Variants in DSG3 observed in about 807,000 individuals in gnomAD.
The protein encoded by DSG3 is desmoglein 3.
Under a neutral mutation model 85.9 loss-of-function variants are expected in DSG3, and 63 were observed. That is an observed-to-expected ratio of 0.73 (90% CI 0.60 to 0.90). DSG3 has a LOEUF of 0.90. Ranked by LOEUF, DSG3 falls within the 40% of genes least tolerant of loss-of-function variation. DSG3 has a pLI of 0.00. For synonymous variants in DSG3, 447 were observed against 441.9 expected, an observed-to-expected ratio of 1.01 and a Z score of -0.14; for missense variants, 1,220 against 1,219.9, an observed-to-expected ratio of 1.00 and a Z score of 0.00.
intron 1 of DSG3, among the ~76,000 whole-genome samples, chr18:31,448,942 T>C (rs1421606430): frequency 6.6e-6 from 1 of 152,164 alleles, no homozygotes; most frequent in Non-Finnish European, 1.5e-5. Context: ...TCTGGCTCTG[T>C]TGCCCAGGCT....
chr18:31,474,581 C>CG, intron 15 of DSG3, among the ~76,000 whole-genome samples, 177 bp downstream of exon 15: 1 of 152,086 alleles, frequency 6.6e-6, no homozygotes, highest in South Asian at 2.1e-4. Flanking sequence ...CTGTCAAAAT[C>CG]GGGTCACTGA....
At chr18:31,458,743 C>T in intron 4 of DSG3, 143 bp downstream of exon 4, 1 of 1,007,880 alleles carries the variant, frequency 9.9e-7, no homozygotes, top group Non-Finnish European at 1.4e-6. Context: ...AGTCCCTCCA[C>T]AGAGCCTCGC....
chr18:31,466,493 T>C, intron 10 of DSG3, 37 bp from the exon 11 acceptor site: 1 of 1,579,486 alleles, frequency 6.3e-7, no homozygotes, highest in Non-Finnish European at 8.7e-7. Flanking sequence ...AACTTTGTTC[T>C]ATACATTTCT....
At chr18:31,462,974 G>A (rs1375953424) in intron 8 of DSG3, among the ~76,000 whole-genome samples, 2 of 152,180 alleles carry the variant, frequency 1.3e-5, no homozygotes, top group African/African-American at 2.4e-5. Flanking sequence ...CAGTAAGGGT[G>A]TAGGAACTAT....
At chr18:31,455,050 T>C (rs1299327940) in intron 1 of DSG3, among the ~76,000 whole-genome samples, 1 of 151,058 alleles carries the variant, frequency 6.6e-6, no homozygotes, top group East Asian at 1.9e-4. Context: ...AATTTAGTAG[T>C]AGTGAGGTAC....
In DSG3 at chr18:31,476,033, C is replaced by A. The variant is rs756288428; in HGVS notation, c.2773C>A (p.Pro925Thr). 1.9e-6 allele frequency: 3 copies of A among 1,614,206 alleles called. No homozygotes were observed. In the South Asian group the frequency reaches 3.3e-5, roughly 18 times the overall value. ...SVQPAVSIPD[P>T]LQHGNYLVTE... The stretch of plus-strand genomic sequence containing the variant: ...CCAGCCAGCTGTTTCCATCCCTGAC[C>A]CTCTGCAGCATGGTAACTATTTAGT... Residue 925 changes from proline to threonine, a missense_variant, in exon 16 of 16, where the codon CCT (proline) becomes ACT (threonine). Pro to Thr is a conservative substitution (Grantham distance 38, BLOSUM62 -1). Transcript: ENST00000257189.
At position 31,476,339 on chromosome 18, in the gene DSG3, C is replaced by T; in HGVS notation, c.*79C>T. Reference sequence around the variant, plus strand: ...ATTCAAAATAGCATAGCAAAGCTCACTGTATTGGGCTAATAATTTGGCACT... The same window carrying T: ...ATTCAAAATAGCATAGCAAAGCTCATTGTATTGGGCTAATAATTTGGCACT... On this transcript the variant is annotated 3_prime_UTR_variant, in exon 16 of 16. Transcript: ENST00000257189. 2.0e-6 allele frequency: 3 copies of T among 1,484,860 alleles called. No individual in the cohort carries two copies. Among genetic ancestry groups the T allele is most frequent in the Non-Finnish European group, 2.7e-6 (3 of 1,108,122 alleles). The allele number at this position is 1,484,860 out of a possible 1,614,324, so 92.0% of individuals were successfully genotyped here. A position where few individuals can be genotyped will look rare whatever the true frequency, so the allele number is the denominator to read the frequency against.
At position 31,457,228 on chromosome 18, in the gene DSG3, C is replaced by A. The variant is rs772682285; in HGVS notation, c.216+104C>A. On this transcript the variant is annotated intron_variant, in intron 3 of 15. Coordinates refer to ENST00000257189, the MANE Select transcript of DSG3 (RefSeq NM_001944.3). Reference sequence around the variant, plus strand: ...AATAACAAAATGAAGACTGGGGAGTCCACAGAACAAGTGAACTGGTATCCT... The same window carrying A: ...AATAACAAAATGAAGACTGGGGAGTACACAGAACAAGTGAACTGGTATCCT... 1.8e-5 allele frequency: 21 copies of A among 1,156,192 alleles called. No homozygotes were observed. The Middle Eastern group carries it at 9.0e-4, about 50-fold the overall frequency. 71.6% of individuals were successfully genotyped at this position (1,156,192 alleles called of 1,614,324 possible). A position where few individuals can be genotyped will look rare whatever the true frequency, so the allele number is the denominator to read the frequency against.
intron 3 of DSG3, among the ~76,000 whole-genome samples, chr18:31,458,129 C>G (rs1008131462): frequency 2.8e-4 from 43 of 151,994 alleles, no homozygotes; most frequent in African/African-American, 9.9e-4. Context: ...AAAGAGGGAG[C>G]CTTCAGGAGT....
rs2072821194 is a variant in DSG3, at chr18:31,466,657, T to G, written c.1539T>G (p.Ala513=). ...CSSSPSVVVS[A]RTLNNRYTGP... ...CTTCACCTTCCGTGGTTGTCTCCGC[T>G]AGAACACTGAATAATAGATACACTG... The change falls in exon 11 of 16, where the codon GCT becomes GCG. Residue 513 remains alanine, a synonymous_variant. Transcript: ENST00000257189. 1.2e-6 allele frequency: 2 copies of G among 1,614,204 alleles called. No homozygotes were observed. Among genetic ancestry groups the G allele is most frequent in the Non-Finnish European group, 1.7e-6 (2 of 1,180,042 alleles).
At chr18:31,456,935 A>T (rs558568485) in intron 2 of DSG3, 58 bp from the exon 3 acceptor site, 4 of 1,568,166 alleles carry the variant, frequency 2.6e-6, no homozygotes, top group Non-Finnish European at 3.5e-6. Context: ...TGTAATCAAT[A>T]TTCTAAGCAA....
At chr18:31,469,629 C>T (rs748239374) in intron 12 of DSG3, among the ~76,000 whole-genome samples, 33 of 152,116 alleles carry the variant, frequency 2.2e-4, no homozygotes, top group Non-Finnish European at 3.8e-4. Context: ...TTTCTACACA[C>T]TGTTAGTAAT....
intron 5 of DSG3, among the ~76,000 whole-genome samples, 144 bp from the exon 6 acceptor site, chr18:31,459,690 AAGAGGTATCAC>A (rs2072771444): frequency 6.6e-6 from 1 of 152,228 alleles, no homozygotes; most frequent in Non-Finnish European, 1.5e-5. Context: ...GAGAGACAGA[AAGAGGTATCAC>A]AAGTGATATA....
At chr18:31,459,721 G>T (rs1362818535) in intron 5 of DSG3, 124 bp from the exon 6 acceptor site, 6 of 953,276 alleles carry the variant, frequency 6.3e-6, no homozygotes, top group Non-Finnish European at 9.1e-6. Context: ...ACAATTTTTT[G>T]AACATACAGA....
At chr18:31,448,564 A>G (rs1166732341) in intron 1 of DSG3, among the ~76,000 whole-genome samples, 1 of 152,070 alleles carries the variant, frequency 6.6e-6, no homozygotes, top group African/African-American at 2.4e-5. Context: ...AAAGTCGTAC[A>G]TAGTATTATC....
intron 3 of DSG3, 39 bp from the exon 4 acceptor site, chr18:31,458,406 T>C (rs762171052): frequency 6.3e-7 from 1 of 1,599,442 alleles, no homozygotes. Context: ...AAGGCTTGAG[T>C]GATGGTCACC....
intron 3 of DSG3, among the ~76,000 whole-genome samples, chr18:31,457,788 C>T (rs1320113213): frequency 3.3e-5 from 5 of 151,730 alleles, no homozygotes; most frequent in South Asian, 2.1e-4. Context: ...CCACCATGCC[C>T]GGCTAATTGT....
chr18:31,458,161 C>T (rs2072760949), intron 3 of DSG3, among the ~76,000 whole-genome samples: 1 of 151,978 alleles, frequency 6.6e-6, no homozygotes, highest in Non-Finnish European at 1.5e-5. Flanking sequence ...TATTAAATGA[C>T]TTTGACTTTC....
At chr18:31,448,921 T>C (rs912013135) in intron 1 of DSG3, among the ~76,000 whole-genome samples, 2 of 152,146 alleles carry the variant, frequency 1.3e-5, no homozygotes, top group East Asian at 1.9e-4. Context: ...GTTTTTGTTT[T>C]TGAGACAAGG....
Sources: allele counts gnomAD v4.1 joint callset (sites outside exome capture counted in the v4.1 genomes callset), GRCh38; gene constraint gnomAD v4.1.1; transcripts MANE v1.5; gene names NCBI Gene and HGNC (gene_info 2026-07-23, HGNC 2026-07-21).